Variants in PSD3 observed in about 807,000 individuals in gnomAD.
PSD3 encodes pleckstrin and Sec7 domain containing 3.
A neutral mutation model predicts 105.5 loss-of-function variants in PSD3; 49 were observed. The observed-to-expected ratio is 0.46, with a 90% CI of 0.37 to 0.59. The LOEUF is 0.59. Among genes scored for constraint, PSD3 ranks in the 20% least tolerant of loss-of-function variants. The pLI is 0.00. For missense variants in PSD3, 1,561 were observed against 1,263.8 expected, an observed-to-expected ratio of 1.24 and a Z score of -3.57; for synonymous variants, 557 against 457.8, an observed-to-expected ratio of 1.22 and a Z score of -2.77.
At chr8:18,958,401 C>G (rs1266319875) in intron 1 of PSD3, among the ~76,000 whole-genome samples, 1 of 152,162 alleles carries the variant, frequency 6.6e-6, no homozygotes, top group African/African-American at 2.4e-5. Context: ...ACATGTATTA[C>G]TATTTCCCTT....
chr8:18,771,335 C>A lies in PSD3; in HGVS notation c.2083-5797G>T, dbSNP rs530656554. Among the ~76,000 whole-genome samples the A allele has an allele frequency of 2.0e-5, 3 of 152,324 alleles. No individual in the cohort carries two copies. The East Asian group carries it at 5.8e-4, about 29-fold the overall frequency. ...GAATTTCCCTGCCTCTTGTCCCTAT[C>A]ACTTTGAAGCACAAAAGGTTTTAAT... On this transcript the variant is annotated intron_variant, in intron 8 of 15. Coordinates refer to ENST00000327040, the MANE Select transcript of PSD3 (RefSeq NM_015310.4).
chr8:18,945,305 A>T (rs1822791497), intron 1 of PSD3, among the ~76,000 whole-genome samples: 2 of 85,534 alleles, frequency 2.3e-5, no homozygotes, highest in Admixed American at 2.0e-4. Flanking sequence ...AGGGAAGAAA[A>T]GAAAGATTAT....
In PSD3 at chr8:18,799,774, T is replaced by C. The variant is rs549718334; in HGVS notation, c.2024-421A>G. On this transcript the variant is annotated intron_variant, in intron 7 of 15. Transcript: ENST00000327040. ...ACATTACTGTTAGGTTAAAGTCATA[T>C]AAAAATGTTCTCCAAGTAGAGTTAA... Among the ~76,000 whole-genome samples, 3 of 152,200 alleles carry C rather than the reference T, an allele frequency of 2.0e-5. No individual in the cohort carries two copies. In the South Asian group the frequency reaches 6.2e-4, roughly 31 times the overall value.
In PSD3 at chr8:18,610,128, G is replaced by A. The variant is rs140152182; in HGVS notation, c.2411-9694C>T. On this transcript the variant is annotated intron_variant, in intron 11 of 15. Coordinates refer to ENST00000327040, the MANE Select transcript of PSD3 (RefSeq NM_015310.4). ...CTTATAGTCTTTCTCTTTTATAAAA[G>A]GATGCTTTGTCAACTCTATTTTATA... Among the ~76,000 whole-genome samples the A allele has an allele frequency of 2.0e-5, 3 of 152,242 alleles. No homozygotes were observed. The East Asian group carries it at 5.8e-4, about 29-fold the overall frequency.
intron 1 of PSD3, among the ~76,000 whole-genome samples, chr8:18,960,822 A>G (rs886417826): frequency 5.9e-5 from 9 of 152,186 alleles, no homozygotes; most frequent in Non-Finnish European, 1.3e-4. Context: ...ACAGTGGCTA[A>G]TATCGGTAAT....
chr8:19,060,359 G>A (rs907324353), intron 1 of PSD3, among the ~76,000 whole-genome samples: 1 of 152,036 alleles, frequency 6.6e-6, no homozygotes, highest in Non-Finnish European at 1.5e-5. Flanking sequence ...TTACTTTTAG[G>A]TTTACTGATT....
At chr8:18,606,665 GGA>G (rs1392310568) in intron 11 of PSD3, among the ~76,000 whole-genome samples, 4 of 152,066 alleles carry the variant, frequency 2.6e-5, no homozygotes, top group Admixed American at 2.0e-4. Context: ...GTGAGAACAA[GGA>G]GAGAAACTGG....
At chr8:18,920,011 ATAAAT>A (rs910569506) in intron 2 of PSD3, among the ~76,000 whole-genome samples, 9 of 146,720 alleles carry the variant, frequency 6.1e-5, no homozygotes, top group African/African-American at 1.6e-4. Context: ...AAAAAAATAA[ATAAAT>A]TAAAAAAAAA....
intron 4 of PSD3, among the ~76,000 whole-genome samples, chr8:18,825,812 G>C (rs2129449866): frequency 6.6e-6 from 1 of 152,286 alleles, no homozygotes; most frequent in African/African-American, 2.4e-5. Context: ...GATCTATGTA[G>C]TCGATTCACA....
chr8:18,760,917 C>T (rs7012496), intron 9 of PSD3, among the ~76,000 whole-genome samples: 36,473 of 151,998 alleles, frequency 0.24, 6,695 homozygotes, highest in East Asian at 0.48. Context: ...CAACCCTTGT[C>T]TCCCCCAGGG....
chr8:18,710,596 C>G (rs184063690), intron 9 of PSD3, among the ~76,000 whole-genome samples: 1 of 152,206 alleles, frequency 6.6e-6, no homozygotes, highest in East Asian at 1.9e-4. Context: ...GGGAAAAAGG[C>G]CAGGTCACTT....
chr8:19,079,446 C>G (rs1037979644), intron 1 of PSD3, among the ~76,000 whole-genome samples: 1 of 152,134 alleles, frequency 6.6e-6, no homozygotes, highest in South Asian at 2.1e-4. Context: ...TTATAAAATT[C>G]TAAATGACTC....
intron 9 of PSD3, among the ~76,000 whole-genome samples, chr8:18,682,205 T>C (rs1800428616): frequency 6.6e-6 from 1 of 152,134 alleles, no homozygotes; most frequent in Non-Finnish European, 1.5e-5. Context: ...TGAGGATAGG[T>C]AGTAGGACTA....
At chr8:18,576,026 A>G (rs1301154093) in intron 12 of PSD3, among the ~76,000 whole-genome samples, 1 of 152,152 alleles carries the variant, frequency 6.6e-6, no homozygotes, top group Non-Finnish European at 1.5e-5. Flanking sequence ...TGTACCCCCG[A>G]ACACACACAC....
At chr8:18,960,447 G>A (rs1339733509) in intron 1 of PSD3, among the ~76,000 whole-genome samples, 1 of 152,138 alleles carries the variant, frequency 6.6e-6, no homozygotes, top group Non-Finnish European at 1.5e-5. Flanking sequence ...CAATATCAGA[G>A]TAATAAAGCA....
intron 12 of PSD3, among the ~76,000 whole-genome samples, chr8:18,581,322 C>G (rs1015802770): frequency 6.6e-6 from 1 of 152,126 alleles, no homozygotes; most frequent in Non-Finnish European, 1.5e-5. Flanking sequence ...GCTTCACATT[C>G]CCATAGTAAT....
intron 1 of PSD3, among the ~76,000 whole-genome samples, chr8:19,082,926 C>T (rs954367064): frequency 2.0e-5 from 3 of 152,208 alleles, no homozygotes; most frequent in Admixed American, 2.0e-4. Flanking sequence ...AGAGCTTTCT[C>T]CCCGTTTCTT....
At chr8:18,698,936 G>T (rs1216278900) in intron 9 of PSD3, among the ~76,000 whole-genome samples, 1 of 152,184 alleles carries the variant, frequency 6.6e-6, no homozygotes, top group Non-Finnish European at 1.5e-5. Flanking sequence ...ACATTAATGA[G>T]AGATAGTAAA....
intron 9 of PSD3, among the ~76,000 whole-genome samples, chr8:18,669,756 C>T (rs1051919000): frequency 6.6e-6 from 1 of 152,184 alleles, no homozygotes; most frequent in Non-Finnish European, 1.5e-5. Flanking sequence ...CCATGAGTAA[C>T]TACCTGAAAC....
Sources: gnomAD v4.1 joint callset for allele counts (sites outside exome capture counted in the v4.1 genomes callset) on GRCh38, gnomAD v4.1.1 for gene constraint, MANE v1.5 for transcripts, NCBI Gene and HGNC (gene_info 2026-07-23, HGNC 2026-07-21) for gene names.